WDPCP: variants seen among roughly 807,000 people sequenced by gnomAD.
The protein encoded by WDPCP is WD repeat-containing and planar cell polarity effector protein fritz homolog.
In WDPCP, 71 loss-of-function variants were observed where a neutral mutation model predicts 93.1. The observed-to-expected ratio is 0.76, with a 90% confidence interval of 0.63 to 0.93. The LOEUF (loss-of-function observed/expected upper bound fraction) is 0.93. Among genes scored for constraint, WDPCP ranks in the 40% least tolerant of loss-of-function variants. WDPCP has a pLI of 0.00. For missense variants in WDPCP, 844 were observed against 887.4 expected (o/e 0.95, Z 0.62); for synonymous variants, 315 against 315.0 (o/e 1.00, Z 0.00).
intron 14 of WDPCP, among the ~76,000 whole-genome samples, chr2:63,231,983 A>G (rs1398892455): frequency 1.3e-5 from 2 of 152,164 alleles, no homozygotes; most frequent in Admixed American, 1.3e-4. Context: ...CAAAACAGAG[A>G]TATAGACCAA....
intron 2 of WDPCP, among the ~76,000 whole-genome samples, chr2:63,703,974 A>C (rs1199074556): frequency 6.6e-6 from 1 of 152,128 alleles, no homozygotes; most frequent in Non-Finnish European, 1.5e-5. Flanking sequence ...CTTTTATTTC[A>C]TTGAGCAGTG....
At chr2:63,744,938 A>G (rs1669772734) in intron 2 of WDPCP, among the ~76,000 whole-genome samples, 1 of 152,132 alleles carries the variant, frequency 6.6e-6, no homozygotes, top group African/African-American at 2.4e-5. Flanking sequence ...AATAATAATC[A>G]CGTCATTGAA....
intron 12 of WDPCP, among the ~76,000 whole-genome samples, chr2:63,353,590 A>T (rs1256324151): frequency 6.6e-6 from 1 of 152,180 alleles, no homozygotes; most frequent in Non-Finnish European, 1.5e-5. Context: ...TCCCCAGCAC[A>T]GCACAGCTGC....
intron 14 of WDPCP, among the ~76,000 whole-genome samples, chr2:63,182,555 T>A (rs1479510020): frequency 6.6e-6 from 1 of 152,092 alleles, no homozygotes; most frequent in African/African-American, 2.4e-5. Flanking sequence ...AGTACTTTGC[T>A]GCAGATTTTT....
At chr2:63,678,417 T>C (rs1710449906) in intron 2 of WDPCP, among the ~76,000 whole-genome samples, 1 of 152,152 alleles carries the variant, frequency 6.6e-6, no homozygotes, top group Non-Finnish European at 1.5e-5. Context: ...GGTTGGAGAA[T>C]TGATTAAGAA....
In WDPCP at chr2:63,153,506, C is replaced by T. The variant is rs772286167; in HGVS notation, c.2147G>A (p.Cys716Tyr). The T allele has an allele frequency of 9.3e-6, 15 of 1,611,426 alleles. No individual in the cohort carries two copies. The highest frequency in any genetic ancestry group is 1.3e-5 in the African/African-American group (1 of 74,806). Residue 716 changes from cysteine to tyrosine, a missense_variant, in exon 16 of 18, where the codon TGT (cysteine) becomes TAT (tyrosine). Physicochemically the swap from Cys to Tyr is radical, Grantham distance 194 (BLOSUM62 -2). Transcript: ENST00000272321. ...TTGAATACCATTACCTTCTGCATTACAGGTATTAGTCATCAAAAATCCAGA... is the reference window on the plus strand; with the variant it reads ...TTGAATACCATTACCTTCTGCATTATAGGTATTAGTCATCAAAAATCCAGA... ...ICSGFLMTNT[C>Y]NAEDGELRED...
chr2:63,210,918 G>A lies in WDPCP; in HGVS notation c.1916-36086C>T, dbSNP rs908756774. On this transcript the variant is annotated intron_variant, in intron 14 of 17. Coordinates refer to ENST00000272321, the MANE Select transcript of WDPCP (RefSeq NM_015910.7). ...CAGCAAGGCTGGGGGAGGGACACCC[G>A]CCATTGCTGAGGCTTGACTAGGTAA... is the stretch of plus-strand genomic sequence containing the variant. 3.3e-5 allele frequency among the ~76,000 whole-genome samples: 5 copies of A among 152,190 alleles called. No homozygotes were observed. In the South Asian group the frequency reaches 6.2e-4, roughly 19 times the overall value.
At chr2:63,754,194 T>C (rs78654828) in intron 2 of WDPCP, among the ~76,000 whole-genome samples, 27,612 of 152,180 alleles carry the variant, frequency 0.18, 2,749 homozygotes, top group Middle Eastern at 0.26. Context: ...ACAACTTCCC[T>C]AGTAAGTTGG....
Position 63,312,983 on chromosome 2 carries a change from C to T in WDPCP, c.1812+265G>A, listed in dbSNP as rs149478732. Among the ~76,000 whole-genome samples the T allele has an allele frequency of 2.0e-5, 3 of 151,618 alleles. No homozygotes were observed. In the East Asian group the frequency reaches 5.8e-4, roughly 29 times the overall value. On this transcript the variant is annotated intron_variant, in intron 13 of 17. Transcript: ENST00000272321. The stretch of plus-strand genomic sequence containing the variant: ...GGTGTCATCCCCTTGCATCAAGGTA[C>T]ATGAGGAGAAAAGTTCAAGAATTAT...
chr2:63,561,070 A>C (rs1706575779), intron 1 of WDPCP, among the ~76,000 whole-genome samples: 1 of 152,230 alleles, frequency 6.6e-6, no homozygotes, highest in South Asian at 2.1e-4. Context: ...AATTTCACTC[A>C]AGATGAATTA....
intron 9 of WDPCP, among the ~76,000 whole-genome samples, chr2:63,432,378 T>C (rs897967978): frequency 1.1e-4 from 17 of 152,146 alleles, no homozygotes; most frequent in Non-Finnish European, 1.3e-4. Context: ...ATTAACACTT[T>C]AATGCACTTA....
At chr2:63,148,368 C>A (rs1671665935) in intron 17 of WDPCP, among the ~76,000 whole-genome samples, 1 of 152,110 alleles carries the variant, frequency 6.6e-6, no homozygotes, top group South Asian at 2.1e-4. Context: ...GAGACAGAGT[C>A]TCATTCTGTC....
chr2:63,795,233 GAAC>G (rs1254320924), intron 2 of WDPCP, among the ~76,000 whole-genome samples: 1 of 152,170 alleles, frequency 6.6e-6, no homozygotes, highest in Non-Finnish European at 1.5e-5. Context: ...TGGATGAGTG[GAAC>G]AACAATGAGG....
intron 1 of WDPCP, among the ~76,000 whole-genome samples, chr2:63,554,652 C>CA (rs58105048): frequency 2.7e-5 from 4 of 147,240 alleles, no homozygotes; most frequent in Admixed American, 6.7e-5. Context: ...AACTCCGTCT[C>CA]AAAAAAAAAA....
intron 2 of WDPCP, among the ~76,000 whole-genome samples, chr2:63,654,982 G>A (rs1435105725): frequency 1.3e-5 from 2 of 152,166 alleles, no homozygotes; most frequent in African/African-American, 2.4e-5. Context: ...ATCTCCCACA[G>A]AATATTCAGC....
chr2:63,624,655 CA>C (rs1709787487), intron 3 of WDPCP, among the ~76,000 whole-genome samples: 1 of 152,060 alleles, frequency 6.6e-6, no homozygotes, highest in South Asian at 2.1e-4. Context: ...CTGAGTAGAC[CA>C]ATAACAAATT....
intron 17 of WDPCP, among the ~76,000 whole-genome samples, chr2:63,141,796 C>A (rs1268939873): frequency 6.6e-6 from 1 of 151,996 alleles, no homozygotes; most frequent in Admixed American, 6.6e-5. Flanking sequence ...TTAAAAATAC[C>A]ATTTCGATCT....
chr2:63,383,500 A>C (rs1023749953), intron 10 of WDPCP, among the ~76,000 whole-genome samples: 1 of 152,296 alleles, frequency 6.6e-6, no homozygotes, highest in African/African-American at 2.4e-5. Context: ...AGATCACTTG[A>C]GGTCAGGAGT....
At chr2:63,642,828 T>C (rs1325174993) in intron 3 of WDPCP, 3 of 152,196 alleles carry the variant, frequency 2.0e-5, no homozygotes, top group Non-Finnish European at 4.4e-5. Context: ...TCTTCTCTGA[T>C]TGCTGTAGCT....
Sources: allele counts gnomAD v4.1 joint callset (sites outside exome capture counted in the v4.1 genomes callset), GRCh38; gene constraint gnomAD v4.1.1; transcripts MANE v1.5; gene names NCBI Gene and HGNC (gene_info 2026-07-23, HGNC 2026-07-21).